Variants in ADK observed in about 807,000 individuals in gnomAD.
ADK encodes N6,N6-dimethyladenosine kinase.
Under a neutral mutation model 44.7 loss-of-function variants are expected in ADK, and 24 were observed. The ratio of observed to expected loss-of-function variants is 0.54; its 90% CI spans 0.39 to 0.76. ADK has a LOEUF of 0.76. Ranked by LOEUF, ADK falls within the 30% of genes least tolerant of loss-of-function variation. ADK has a pLI of 0.00. For missense variants in ADK, 321 were observed against 425.1 expected (o/e 0.76, Z 2.15); for synonymous variants, 128 against 142.6 (o/e 0.90, Z 0.73).
chr10:74,299,930 T>C (rs572855603), intron 3 of ADK, among the ~76,000 whole-genome samples: 1 of 152,330 alleles, frequency 6.6e-6, no homozygotes, highest in South Asian at 2.1e-4. Flanking sequence ...ATGGTCAAGA[T>C]TCAAATTTTT....
chr10:74,674,882 A>AG, intron 10 of ADK, among the ~76,000 whole-genome samples: 2 of 100,626 alleles, frequency 2.0e-5, no homozygotes, highest in African/African-American at 6.7e-5. Flanking sequence ...ACCCTGTCTC[A>AG]AAAAAATTAA....
chr10:74,682,620 A>G (rs1412193975), intron 10 of ADK, among the ~76,000 whole-genome samples: 2 of 145,724 alleles, frequency 1.4e-5, no homozygotes, highest in Non-Finnish European at 3.0e-5. Context: ...GTCGCCCAGA[A>G]TGGACTGCAG....
chr10:74,222,016 C>T (rs186441602), intron 2 of ADK, among the ~76,000 whole-genome samples: 182 of 152,270 alleles, frequency 1.2e-3, no homozygotes, highest in African/African-American at 3.5e-3. Flanking sequence ...CCAAAATTGA[C>T]GAATTAAACT....
At chr10:74,544,735 C>T (rs1469306623) in intron 7 of ADK, among the ~76,000 whole-genome samples, 6 of 151,690 alleles carry the variant, frequency 4.0e-5, no homozygotes, top group African/African-American at 1.5e-4. Flanking sequence ...ATTAGCTGGG[C>T]GTGGTGATGC....
At chr10:74,210,203 C>T (rs1162872570) in intron 2 of ADK, among the ~76,000 whole-genome samples, 1 of 151,882 alleles carries the variant, frequency 6.6e-6, no homozygotes, top group African/African-American at 2.4e-5. Flanking sequence ...GTGGCACACG[C>T]CTGCAGTCCC....
chr10:74,697,345 T>A (rs909096079), intron 10 of ADK, among the ~76,000 whole-genome samples: 9 of 151,966 alleles, frequency 5.9e-5, no homozygotes, highest in Admixed American at 5.9e-4. Flanking sequence ...TCAGACCAGC[T>A]GGGCCACATG....
At chr10:74,288,475 C>A (rs1847276789) in intron 3 of ADK, among the ~76,000 whole-genome samples, 2 of 152,040 alleles carry the variant, frequency 1.3e-5, no homozygotes, top group Non-Finnish European at 2.9e-5. Flanking sequence ...CATAGCGAAA[C>A]CCCATCTCTA....
chr10:74,492,143 C>T (rs756780347), intron 6 of ADK, among the ~76,000 whole-genome samples: 1 of 151,968 alleles, frequency 6.6e-6, no homozygotes, highest in Non-Finnish European at 1.5e-5. Context: ...TAAAAATTCA[C>T]GTTTTGTTAC....
intron 7 of ADK, among the ~76,000 whole-genome samples, chr10:74,553,228 G>A (rs562748826): frequency 9.5e-6 from 1 of 104,992 alleles, no homozygotes; most frequent in African/African-American, 3.8e-5. Context: ...TTGAGACAGA[G>A]TCTCACTCTG....
At chr10:74,398,625 G>A in intron 6 of ADK, 46 bp downstream of exon 6, 1 of 1,080,648 alleles carries the variant, frequency 9.3e-7, no homozygotes, top group Non-Finnish European at 1.4e-6. Context: ...TTTACATGAT[G>A]GATTATAGTT....
intron 3 of ADK, among the ~76,000 whole-genome samples, chr10:74,296,856 C>T (rs1409527121): frequency 3.3e-5 from 5 of 151,964 alleles, no homozygotes; most frequent in South Asian, 2.1e-4. Flanking sequence ...CCTCATTAAC[C>T]GCCCCTCTCG....
chr10:74,651,518 T>G (rs1317846038), intron 9 of ADK, among the ~76,000 whole-genome samples: 1 of 152,212 alleles, frequency 6.6e-6, no homozygotes. Flanking sequence ...TACCCTTCCC[T>G]GTCCTTTCCT....
intron 7 of ADK, among the ~76,000 whole-genome samples, chr10:74,556,289 A>G (rs899486866): frequency 4.6e-5 from 7 of 152,238 alleles, no homozygotes; most frequent in African/African-American, 1.7e-4. Context: ...AATAGAGAAC[A>G]GCAATATGCC....
At chr10:74,614,954 T>C (rs1390183315) in intron 9 of ADK, among the ~76,000 whole-genome samples, 1 of 152,222 alleles carries the variant, frequency 6.6e-6, no homozygotes, top group African/African-American at 2.4e-5. Flanking sequence ...TATATGTTTA[T>C]ATATTTTTAA....
At chr10:74,689,250 A>G (rs1388696493) in intron 10 of ADK, among the ~76,000 whole-genome samples, 2 of 150,848 alleles carry the variant, frequency 1.3e-5, no homozygotes, top group Non-Finnish European at 3.0e-5. Flanking sequence ...CTCTATCTCA[A>G]AATAAATAAA....
chr10:74,695,804 T>A (rs1856176074), intron 10 of ADK, among the ~76,000 whole-genome samples: 1 of 151,996 alleles, frequency 6.6e-6, no homozygotes, highest in Non-Finnish European at 1.5e-5. Context: ...CATGCCCAGA[T>A]AATTTCTGTA....
chr10:74,300,093 A>G lies in ADK; in HGVS notation c.195-14574A>G, dbSNP rs1388525533. Reference sequence around the variant, plus strand: ...GAAACAGGATCTTGCTATGTTCTCCAGGTTGGTCTTGAACTCCTGGACTCA... The same window carrying G: ...GAAACAGGATCTTGCTATGTTCTCCGGGTTGGTCTTGAACTCCTGGACTCA... On this transcript the variant is annotated intron_variant, in intron 3 of 10. Coordinates refer to ENST00000539909, the MANE Select transcript of ADK (RefSeq NM_006721.4). Among the ~76,000 whole-genome samples, 5 of 146,920 alleles carry G rather than the reference A, an allele frequency of 3.4e-5. No homozygotes were observed. In the South Asian group the frequency reaches 8.6e-4, roughly 25 times the overall value.
intron 3 of ADK, among the ~76,000 whole-genome samples, chr10:74,232,509 G>A (rs7914846): frequency 0.03 from 4,400 of 144,626 alleles, 250 homozygotes; most frequent in African/African-American, 0.11. Context: ...GCAATAGAGT[G>A]AGAACCCGTC....
At chr10:74,504,161 C>T (rs959509938) in intron 6 of ADK, among the ~76,000 whole-genome samples, 2 of 152,078 alleles carry the variant, frequency 1.3e-5, no homozygotes, top group African/African-American at 2.4e-5. Flanking sequence ...TATTTTATAT[C>T]GGTTTCAAAA....
Sources: allele counts gnomAD v4.1 joint callset (sites outside exome capture counted in the v4.1 genomes callset), GRCh38; gene constraint gnomAD v4.1.1; transcripts MANE v1.5; gene names NCBI Gene and HGNC (gene_info 2026-07-23, HGNC 2026-07-21).